Variants in SNX31 observed in about 807,000 individuals in gnomAD.
SNX31 encodes the protein sorting nexin-31.
A neutral mutation model predicts 65.4 loss-of-function variants in SNX31; 58 were observed. That is an observed-to-expected ratio of 0.89 (90% CI 0.72 to 1.10). The LOEUF is 1.10. Ranked by LOEUF, SNX31 falls within the 50% of genes least tolerant of loss-of-function variation. The pLI is 0.00. For synonymous variants in SNX31, 181 were observed against 190.1 expected (o/e 0.95, Z 0.39); for missense variants, 523 against 529.7 (o/e 0.99, Z 0.12).
chr8:100,641,777 A>G (rs1819259394), intron 2 of SNX31, among the ~76,000 whole-genome samples: 1 of 147,810 alleles, frequency 6.8e-6, no homozygotes, highest in African/African-American at 2.5e-5. Flanking sequence ...GTACGATTAA[A>G]CCTAGTATAA....
At chr8:100,654,345 G>A (rs191248763), upstream of SNX31, among the ~76,000 whole-genome samples, 545 of 152,222 alleles carry the variant, frequency 3.6e-3, 1 homozygote, top group African/African-American at 0.013. Flanking sequence ...TATAGGAGAC[G>A]AAACTGAGGT....
At chr8:100,654,797 G>T (rs1410094868) in intron 1 of SNX31, among the ~76,000 whole-genome samples, 1 of 152,202 alleles carries the variant, frequency 6.6e-6, no homozygotes, top group Non-Finnish European at 1.5e-5. Context: ...CGGATCACTT[G>T]AGGTCAGGAG....
upstream of SNX31, among the ~76,000 whole-genome samples, chr8:100,652,078 A>G (rs1472022447): frequency 6.6e-6 from 1 of 152,066 alleles, no homozygotes; most frequent in African/African-American, 2.4e-5. Flanking sequence ...TCCCGGGTTC[A>G]TGCCATTCTC....
chr8:100,635,205 T>C (rs1443601549), intron 3 of SNX31, among the ~76,000 whole-genome samples: 2 of 149,768 alleles, frequency 1.3e-5, no homozygotes, highest in Non-Finnish European at 2.9e-5. Flanking sequence ...CTGGGCAACA[T>C]AGTGAGACCT....
Position 100,573,827 on chromosome 8 carries a change from A to C in SNX31, c.*38T>G. 7.1e-7 allele frequency: 1 copy of C among 1,413,954 alleles called. No homozygotes were observed. Among genetic ancestry groups the C allele is most frequent in the Non-Finnish European group, 9.7e-7 (1 of 1,026,024 alleles). The allele number at this position is 1,413,954 out of a possible 1,614,324, so 87.6% of individuals were successfully genotyped here. ...CCCCAAGTTCTTTCACTGTCTTGAG[A>C]TAGCCTCCAAGGATATTTTAAAATA... On this transcript the variant is annotated 3_prime_UTR_variant, in exon 14 of 14. Coordinates refer to ENST00000311812, the MANE Select transcript of SNX31 (RefSeq NM_152628.4).
intron 2 of SNX31, among the ~76,000 whole-genome samples, chr8:100,636,729 TTTC>T (rs1818798978): frequency 4.6e-5 from 7 of 151,932 alleles, no homozygotes; most frequent in African/African-American, 1.7e-4. Context: ...TCTTTCTTTC[TTTC>T]TTTTTTGAGA....
chr8:100,631,898 G>A (rs1184403537), intron 3 of SNX31, among the ~76,000 whole-genome samples: 4 of 150,604 alleles, frequency 2.7e-5, no homozygotes, highest in Admixed American at 2.0e-4. Context: ...GCTGAAAAAG[G>A]TATTCACCCA....
chr8:100,590,799 C>T (rs1471342004), intron 10 of SNX31, among the ~76,000 whole-genome samples: 1 of 151,970 alleles, frequency 6.6e-6, no homozygotes, highest in Non-Finnish European at 1.5e-5. Context: ...ACAACAACAA[C>T]AACAACAACA....
At chr8:100,597,879 G>GTA (rs1815259885) in intron 9 of SNX31, among the ~76,000 whole-genome samples, 1 of 152,168 alleles carries the variant, frequency 6.6e-6, no homozygotes, top group Non-Finnish European at 1.5e-5. Context: ...AAATAAGCTG[G>GTA]TATAGGTTTG....
chr8:100,641,093 GT>G (rs1184830118), intron 2 of SNX31, among the ~76,000 whole-genome samples: 1 of 140,516 alleles, frequency 7.1e-6, no homozygotes, highest in African/African-American at 2.7e-5. Flanking sequence ...CAAAAATTAA[GT>G]TTATTTAAAA....
rs796740870 is a variant in SNX31 at position 100,594,827 on chromosome 8, A to G, written c.978+1812T>C. ...TCCAGAAAAATGAAGACTCATGGCC[A>G]GGCAAACACCTGTATGTGAAGATTT... On this transcript the variant is annotated intron_variant, in intron 10 of 13. Coordinates refer to ENST00000311812, the MANE Select transcript of SNX31 (RefSeq NM_152628.4). The surrounding 1 kb of genome is among the most constrained non-coding windows in gnomAD (Gnocchi z 4.0). Among the ~76,000 whole-genome samples the G allele has an allele frequency of 3.9e-5, 6 of 152,374 alleles. No individual in the cohort carries two copies. The highest frequency in any genetic ancestry group is 1.4e-4 in the African/African-American group (6 of 41,594).
In SNX31 at chr8:100,578,217, G is replaced by A. The variant is rs940892169; in HGVS notation, c.1171-1142C>T. Among the ~76,000 whole-genome samples, 41 of 152,302 alleles carry A rather than the reference G, an allele frequency of 2.7e-4. No homozygotes were observed. Among genetic ancestry groups the A allele is most frequent in the African/African-American group, 9.4e-4 (39 of 41,576 alleles). ...AAAGGCAGAGTGCCTGGCACACCTA[G>A]TAAACACCACCTAGCCAGGCTTTTT... On this transcript the variant is annotated intron_variant, in intron 12 of 13. Transcript: ENST00000311812. This position sits in a 1 kb window ranked among gnomAD's most constrained non-coding sequence, Gnocchi z 4.7.
chr8:100,629,528 C>T lies in SNX31; in HGVS notation c.321+799G>A, dbSNP rs1818281335. ...TTTACATGAGATTTGTTGTGAGAAC[C>T]CAATGGGATTTTATTTTATAAATGA... On this transcript the variant is annotated intron_variant, in intron 4 of 13. Coordinates refer to ENST00000311812, the MANE Select transcript of SNX31 (RefSeq NM_152628.4). The surrounding 1 kb of genome is among the most constrained non-coding windows in gnomAD (Gnocchi z 5.1). Among the ~76,000 whole-genome samples the T allele has an allele frequency of 6.6e-6, 1 of 152,072 alleles. No homozygotes were observed. Among genetic ancestry groups the T allele is most frequent in the African/African-American group, 2.4e-5 (1 of 41,408 alleles).
At position 100,662,386 on chromosome 8, in the gene SNX31, G is replaced by A. The variant is rs951759296; in HGVS notation, c.-58+756C>T. ...ATGGCACTTGTACCATGTATTTGCA[G>A]CACCCAAGCTCTTAATAACTGCAAT... On this transcript the variant is annotated intron_variant, in intron 1 of 5. Transcript: ENST00000520352. Among the ~76,000 whole-genome samples the A allele has an allele frequency of 2.0e-5, 3 of 152,306 alleles. No individual in the cohort carries two copies. The South Asian group carries it at 6.2e-4, about 32-fold the overall frequency.
intron 8 of SNX31, among the ~76,000 whole-genome samples, chr8:100,602,056 T>C (rs1321057619): frequency 6.6e-6 from 1 of 152,206 alleles, no homozygotes; most frequent in Non-Finnish European, 1.5e-5. Context: ...CGGGGCAGAA[T>C]TGGCCATTGT....
At chr8:100,617,981 G>A (rs1467369084) in intron 4 of SNX31, 5 of 638,012 alleles carry the variant, frequency 7.8e-6, no homozygotes, top group Non-Finnish European at 9.7e-6. Flanking sequence ...GGCCAGGCTG[G>A]TCTCAAACTC....
At chr8:100,632,307 AAACT>A (rs1285707469) in intron 3 of SNX31, among the ~76,000 whole-genome samples, 9 of 152,202 alleles carry the variant, frequency 5.9e-5, no homozygotes, top group Non-Finnish European at 2.9e-5. Flanking sequence ...ACGAGAAAAC[AAACT>A]AAGGGAGAGT....
At chr8:100,634,374 C>T (rs957813071) in intron 3 of SNX31, among the ~76,000 whole-genome samples, 7 of 150,610 alleles carry the variant, frequency 4.6e-5, no homozygotes, top group African/African-American at 1.7e-4. Context: ...TCATCTCATC[C>T]TTTTGTTCAT....
chr8:100,622,161 C>CT lies in SNX31; in HGVS notation c.322-4432dup, dbSNP rs887125332. Among the ~76,000 whole-genome samples, 4 of 151,976 alleles carry CT rather than the reference C, an allele frequency of 2.6e-5. No individual in the cohort carries two copies. The highest frequency in any genetic ancestry group is 5.9e-5 in the Non-Finnish European group (4 of 67,992). ...ATGCTTATTTGTAGAATGTTGTTGG[C>CT]TTTTTTTTCACGCTTAATTAGTTTA... On this transcript the variant is annotated intron_variant, in intron 4 of 13. Transcript: ENST00000311812. The surrounding 1 kb of genome is among the most constrained non-coding windows in gnomAD (Gnocchi z 5.0).
Sources: gnomAD v4.1 joint callset for allele counts (sites outside exome capture counted in the v4.1 genomes callset) on GRCh38, gnomAD v4.1.1 for gene constraint, Gnocchi (gnomAD v3.1) non-coding constraint, MANE v1.5 for transcripts, NCBI Gene and HGNC (gene_info 2026-07-23, HGNC 2026-07-21) for gene names.